Variants in HS3ST4 observed in about 807,000 individuals in gnomAD.
HS3ST4 encodes the protein heparan sulfate-glucosamine 3-sulfotransferase 4, also known as heparan sulfate glucosamine 3-O-sulfotransferase 4.
A neutral mutation model predicts 29.2 loss-of-function variants in HS3ST4; 17 were observed. The ratio of observed to expected loss-of-function variants is 0.58; its 90% CI spans 0.40 to 0.87. HS3ST4 has a LOEUF of 0.87. Ranked by LOEUF, HS3ST4 falls within the 40% of genes least tolerant of loss-of-function variation. The pLI, the probability that HS3ST4 is intolerant of heterozygous loss-of-function variation, is 0.00. For missense variants in HS3ST4, 627 were observed against 634.5 expected (o/e 0.99, Z 0.13); for synonymous variants, 314 against 285.7 (o/e 1.10, Z -1.00).
chr16:25,763,483 T>C (rs1966801126), intron 1 of HS3ST4, among the ~76,000 whole-genome samples: 1 of 152,156 alleles, frequency 6.6e-6, no homozygotes, highest in Admixed American at 6.5e-5. Flanking sequence ...CCCTTGAGTG[T>C]CAAATTATTC....
intron 1 of HS3ST4, among the ~76,000 whole-genome samples, chr16:25,951,138 G>A (rs1162471163): frequency 1.3e-5 from 2 of 152,160 alleles, no homozygotes; most frequent in African/African-American, 4.8e-5. Flanking sequence ...TTTGGTGCTG[G>A]GTGGAACTGG....
chr16:26,065,988 T>C (rs1438335058), intron 1 of HS3ST4, among the ~76,000 whole-genome samples: 1 of 152,066 alleles, frequency 6.6e-6, no homozygotes, highest in African/African-American at 2.4e-5. Context: ...ATAAGACACA[T>C]GTCTGCCCAT....
intron 1 of HS3ST4, among the ~76,000 whole-genome samples, chr16:26,070,716 T>C (rs984969672): frequency 1.3e-5 from 2 of 152,242 alleles, no homozygotes; most frequent in Admixed American, 6.5e-5. Flanking sequence ...CCATTTTCTG[T>C]ATATCCAGTT....
chr16:25,947,932 C>A (rs752219833), intron 1 of HS3ST4, among the ~76,000 whole-genome samples: 6 of 152,108 alleles, frequency 3.9e-5, no homozygotes, highest in Non-Finnish European at 2.9e-5. Context: ...AAAGATAACA[C>A]CAGTGCCTAC....
At chr16:25,975,007 T>G (rs779519919) in intron 1 of HS3ST4, among the ~76,000 whole-genome samples, 8 of 152,166 alleles carry the variant, frequency 5.3e-5, no homozygotes, top group African/African-American at 1.7e-4. Flanking sequence ...TCTGGTTAAA[T>G]TCCTTAAAAT....
intron 1 of HS3ST4, among the ~76,000 whole-genome samples, chr16:25,992,700 G>A (rs1381715172): frequency 3.3e-5 from 5 of 152,236 alleles, no homozygotes; most frequent in Admixed American, 6.5e-5. Flanking sequence ...GCCCCTTGGC[G>A]AAACTTTGAG....
chr16:25,712,353 C>G (rs900538762), intron 1 of HS3ST4, among the ~76,000 whole-genome samples: 2 of 152,064 alleles, frequency 1.3e-5, no homozygotes, highest in African/African-American at 4.8e-5. Flanking sequence ...GAAACTCCAT[C>G]TCTACTAAAA....
intron 1 of HS3ST4, among the ~76,000 whole-genome samples, chr16:25,820,938 A>G (rs1402932741): frequency 1.3e-5 from 2 of 152,108 alleles, no homozygotes; most frequent in African/African-American, 2.4e-5. Context: ...AATAAGTGGA[A>G]TTGATGAATG....
intron 1 of HS3ST4, among the ~76,000 whole-genome samples, chr16:26,076,223 C>G (rs925466904): frequency 7.9e-5 from 12 of 152,140 alleles, no homozygotes; most frequent in African/African-American, 2.9e-4. Context: ...GTGCTTGTAG[C>G]TGTGTGGGTT....
chr16:25,888,496 A>T (rs1490219331), intron 1 of HS3ST4, among the ~76,000 whole-genome samples: 1 of 152,160 alleles, frequency 6.6e-6, no homozygotes, highest in East Asian at 1.9e-4. Context: ...TAACAAAAAA[A>T]ATTACAGTGA....
chr16:26,033,571 A>G (rs1969553464), intron 1 of HS3ST4, among the ~76,000 whole-genome samples: 1 of 151,888 alleles, frequency 6.6e-6, no homozygotes, highest in African/African-American at 2.4e-5. Context: ...AACAAAATAT[A>G]TATTAGCTGG....
chr16:25,998,272 C>T (rs1200041488), intron 1 of HS3ST4, among the ~76,000 whole-genome samples: 1 of 150,848 alleles, frequency 6.6e-6, no homozygotes, highest in Non-Finnish European at 1.5e-5. Context: ...CAAAGCAAGA[C>T]CCTGTCTCGA....
chr16:25,768,815 T>C (rs1966837201), intron 1 of HS3ST4, among the ~76,000 whole-genome samples: 3 of 152,126 alleles, frequency 2.0e-5, no homozygotes, highest in South Asian at 4.1e-4. Flanking sequence ...AATTGGGAGA[T>C]GTCATATTAA....
chr16:25,961,243 C>T (rs1462656140), intron 1 of HS3ST4, among the ~76,000 whole-genome samples: 2 of 152,142 alleles, frequency 1.3e-5, no homozygotes, highest in East Asian at 3.9e-4. Flanking sequence ...CTTACTCCTT[C>T]TGTGTGGAAG....
intron 1 of HS3ST4, among the ~76,000 whole-genome samples, chr16:25,814,145 T>C (rs2141629847): frequency 6.6e-6 from 1 of 152,322 alleles, no homozygotes; most frequent in East Asian, 1.9e-4. Flanking sequence ...TATATCTTGT[T>C]TTCAGTGGAG....
intron 1 of HS3ST4, among the ~76,000 whole-genome samples, chr16:25,739,332 ACT>A (rs1596557277): frequency 6.6e-6 from 1 of 152,260 alleles, no homozygotes; most frequent in East Asian, 1.9e-4. Context: ...ACAAAGTGAA[ACT>A]CTGTCTCAAA....
At chr16:25,932,991 C>A (rs1968481070) in intron 1 of HS3ST4, among the ~76,000 whole-genome samples, 1 of 152,182 alleles carries the variant, frequency 6.6e-6, no homozygotes, top group Admixed American at 6.5e-5. Context: ...GGCAGGTAAT[C>A]AGAGCCTTTC....
intron 1 of HS3ST4, among the ~76,000 whole-genome samples, chr16:25,933,111 G>A (rs536640063): frequency 6.6e-6 from 1 of 152,238 alleles, no homozygotes; most frequent in Admixed American, 6.5e-5. Flanking sequence ...CTCGGTATCT[G>A]TTTCCTTCTG....
intron 1 of HS3ST4, among the ~76,000 whole-genome samples, chr16:25,946,037 CTT>C (rs1450346913): frequency 6.6e-6 from 1 of 152,178 alleles, no homozygotes; most frequent in Non-Finnish European, 1.5e-5. Context: ...TCCAGACAGT[CTT>C]TGCTTAATAC....
Sources: gnomAD v4.1 joint callset for allele counts (sites outside exome capture counted in the v4.1 genomes callset) on GRCh38, gnomAD v4.1.1 for gene constraint, MANE v1.5 for transcripts, NCBI Gene and HGNC (gene_info 2026-07-23, HGNC 2026-07-21) for gene names.